Variants in FECH observed in about 807,000 individuals in gnomAD.
FECH encodes the protein ferrochelatase, mitochondrial.
Under a neutral mutation model 56.9 loss-of-function variants are expected in FECH, and 40 were observed. The ratio of observed to expected loss-of-function variants is 0.70; its 90% CI spans 0.55 to 0.92. The LOEUF (loss-of-function observed/expected upper bound fraction) is 0.92. Among genes scored for constraint, FECH ranks in the 40% least tolerant of loss-of-function variants. FECH has a pLI of 0.00. For synonymous variants in FECH, 175 were observed against 198.6 expected (o/e 0.88, Z 1.00); for missense variants, 431 against 529.1 (o/e 0.81, Z 1.82).
At chr18:57,574,427 C>T (rs1455076857) in intron 2 of FECH, among the ~76,000 whole-genome samples, 12 of 152,068 alleles carry the variant, frequency 7.9e-5, no homozygotes, top group Admixed American at 1.3e-4. Flanking sequence ...CTGCAAGAAC[C>T]GGTGCTAACA....
In FECH at chr18:57,550,449, T is replaced by G; in HGVS notation, c.*263A>C. The G allele has an allele frequency of 2.4e-6, 1 of 423,844 alleles. No homozygotes were observed. The highest frequency in any genetic ancestry group is 4.3e-6 in the Non-Finnish European group (1 of 231,548). The allele number at this position is 423,844 out of a possible 1,614,324, so 26.3% of individuals were successfully genotyped here. ...TCTCATAAGACAAATTTTTAACTCA[T>G]TTATTAAAGGTCCTGATGGACATTC... On this transcript the variant is annotated 3_prime_UTR_variant, in exon 11 of 11. Coordinates refer to ENST00000262093, the MANE Select transcript of FECH (RefSeq NM_000140.5).
At chr18:57,555,024 G>A in intron 7 of FECH, 72 bp from the exon 8 acceptor site, 1 of 1,143,034 alleles carries the variant, frequency 8.7e-7, no homozygotes, top group Non-Finnish European at 1.3e-6. Context: ...ACTATGTGCT[G>A]ACACAGTGTG....
intron 1 of FECH, among the ~76,000 whole-genome samples, chr18:57,584,919 G>A (rs2051343686): frequency 6.8e-6 from 1 of 146,824 alleles, no homozygotes; most frequent in Non-Finnish European, 1.5e-5. Context: ...GCTGAGGCGG[G>A]AGGATCACTT....
chr18:57,568,282 T>C (rs1293939649), intron 4 of FECH, among the ~76,000 whole-genome samples: 1 of 152,210 alleles, frequency 6.6e-6, no homozygotes, highest in Non-Finnish European at 1.5e-5. Flanking sequence ...TGGGAGTTCC[T>C]CAAATCATGC....
Position 57,550,652 on chromosome 18 carries a change from A to G in FECH, c.*60T>C, listed in dbSNP as rs886053996. ...TTGATCTCTAAATAACACCCTCTCC[A>G]CATCGGAGGTATCTGGAGGTTGGGC... On this transcript the variant is annotated 3_prime_UTR_variant, in exon 11 of 11. Transcript: ENST00000262093. 1.5e-5 allele frequency: 24 copies of G among 1,608,558 alleles called. No homozygotes were observed. Among genetic ancestry groups the G allele is most frequent in the Non-Finnish European group, 3.4e-6 (4 of 1,176,050 alleles).
chr18:57,584,023 CA>C (rs1224261809), intron 1 of FECH, among the ~76,000 whole-genome samples: 4 of 151,754 alleles, frequency 2.6e-5, no homozygotes, highest in Non-Finnish European at 5.9e-5. Context: ...ACTAAAAACA[CA>C]AAAAAATTAG....
intron 6 of FECH, among the ~76,000 whole-genome samples, chr18:57,559,695 G>A (rs2050916997): frequency 6.6e-6 from 1 of 152,136 alleles, no homozygotes; most frequent in Non-Finnish European, 1.5e-5. Flanking sequence ...GGAATAGTAG[G>A]GAAATAAGAA....
At position 57,550,653 on chromosome 18, in the gene FECH, C is replaced by A. The variant is rs1353175163; in HGVS notation, c.*59G>T. On this transcript the variant is annotated 3_prime_UTR_variant, in exon 11 of 11. Coordinates refer to ENST00000262093, the MANE Select transcript of FECH (RefSeq NM_000140.5). ...TGATCTCTAAATAACACCCTCTCCA[C>A]ATCGGAGGTATCTGGAGGTTGGGCA... The A allele has an allele frequency of 6.2e-7, 1 of 1,604,718 alleles. No individual in the cohort carries two copies. The highest frequency in any genetic ancestry group is 8.5e-7 in the Non-Finnish European group (1 of 1,172,346).
At chr18:57,551,282 G>A (rs779317985) in intron 10 of FECH, 33 bp downstream of exon 10, 1 of 1,484,780 alleles carries the variant, frequency 6.7e-7, no homozygotes, top group South Asian at 1.1e-5. Context: ...TCTCTGGTAT[G>A]TTCTACTAAA....
chr18:57,563,601 A>AAAAAAAAT (rs2050976176), intron 5 of FECH, among the ~76,000 whole-genome samples: 1 of 150,936 alleles, frequency 6.6e-6, no homozygotes, highest in Non-Finnish European at 1.5e-5. Context: ...AAAAAAAAAA[A>AAAAAAAAT]AAAGTATGTT....
Position 57,546,774 on chromosome 18 carries a change from C to T in FECH, c.*3938G>A, listed in dbSNP as rs2050725967. 1.3e-5 allele frequency among the ~76,000 whole-genome samples: 2 copies of T among 151,764 alleles called. No homozygotes were observed. The highest frequency in any genetic ancestry group is 2.9e-5 in the Non-Finnish European group (2 of 67,960). ...AGGAATTAGAGACCAGCCTGACCAA[C>T]ATGGTCAGGCCCCATCTCTACTAAA... is the stretch of plus-strand genomic sequence containing the variant. On this transcript the variant is annotated 3_prime_UTR_variant, in exon 11 of 11. Transcript: ENST00000262093.
intron 2 of FECH, among the ~76,000 whole-genome samples, chr18:57,578,014 A>G (rs1049365711): frequency 1.3e-5 from 2 of 152,188 alleles, no homozygotes; most frequent in African/African-American, 4.8e-5. Flanking sequence ...TTATATAAAT[A>G]TGATCTAAAG....
chr18:57,575,021 T>C (rs949671060), intron 2 of FECH, among the ~76,000 whole-genome samples: 1 of 152,162 alleles, frequency 6.6e-6, no homozygotes, highest in African/African-American at 2.4e-5. Flanking sequence ...ACCAGTAATC[T>C]ACTTTCTGGG....
intron 6 of FECH, among the ~76,000 whole-genome samples, chr18:57,562,065 A>T (rs1396316669): frequency 6.6e-6 from 1 of 152,226 alleles, no homozygotes; most frequent in Admixed American, 6.5e-5. Context: ...CAGGCTTCTA[A>T]AGAAGTTGTT....
chr18:57,585,668 G>A (rs900735136), intron 1 of FECH, among the ~76,000 whole-genome samples: 1 of 152,146 alleles, frequency 6.6e-6, no homozygotes. Flanking sequence ...TCAGACTGAC[G>A]AACGTCTTAG....
In FECH at chr18:57,564,194, T is replaced by C. The variant is rs115033889; in HGVS notation, c.599-1214A>G. ...CGCCCAGCATAACTATTGTTATTAA[T>C]GGCCTCATGATAAGGAGAGAAAATT... On this transcript the variant is annotated intron_variant, in intron 5 of 10. Transcript: ENST00000262093. Among the ~76,000 whole-genome samples, 719 of 152,336 alleles carry C rather than the reference T, an allele frequency of 4.7e-3. 6 individuals are homozygous for C. Among genetic ancestry groups the C allele is most frequent in the African/African-American group, 0.016 (682 of 41,580 alleles).
At chr18:57,562,218 A>G (rs1451259230) in intron 6 of FECH, among the ~76,000 whole-genome samples, 1 of 152,248 alleles carries the variant, frequency 6.6e-6, no homozygotes, top group Non-Finnish European at 1.5e-5. Context: ...ATATTTGCAT[A>G]ATTTAGGGCA....
chr18:57,563,010 G>T (rs766259897), intron 5 of FECH, 30 bp from the exon 6 acceptor site: 3 of 1,557,138 alleles, frequency 1.9e-6, no homozygotes, highest in Non-Finnish European at 8.9e-7. Flanking sequence ...CTTAGTAGAT[G>T]CATTTTGATT....
chr18:57,569,210 A>AC (rs1376836103), intron 4 of FECH, among the ~76,000 whole-genome samples: 1 of 152,200 alleles, frequency 6.6e-6, no homozygotes, highest in African/African-American at 2.4e-5. Context: ...ACATGATTAC[A>AC]CTTCTCATCT....
Sources: gnomAD v4.1 joint callset for allele counts (sites outside exome capture counted in the v4.1 genomes callset) on GRCh38, gnomAD v4.1.1 for gene constraint, MANE v1.5 for transcripts, NCBI Gene and HGNC (gene_info 2026-07-23, HGNC 2026-07-21) for gene names.